ZNF248: variants seen among roughly 807,000 people sequenced by gnomAD.
ZNF248 encodes the protein KRAB protein domain.
ZNF248 carries 20 observed loss-of-function variants against 44.3 expected under a neutral mutation model. That is an observed-to-expected ratio of 0.45 (90% CI 0.32 to 0.66). The LOEUF is 0.66. Among genes scored for constraint, ZNF248 ranks in the 30% least tolerant of loss-of-function variants. The pLI is 0.04. For missense variants in ZNF248, 654 were observed against 677.0 expected (o/e 0.97, Z 0.38); for synonymous variants, 224 against 229.0 (o/e 0.98, Z 0.20).
chr10:37,823,472 C>G (rs926778154), intron 6 of ZNF248, among the ~76,000 whole-genome samples: 1 of 151,378 alleles, frequency 6.6e-6, no homozygotes, highest in African/African-American at 2.4e-5. Context: ...TTCTGTACTG[C>G]AGCTAGAACA....
Position 37,838,008 on chromosome 10 carries a change from T to C in ZNF248, c.119A>G (p.Asn40Ser). The change falls in exon 4 of 6, where the codon AAT becomes AGT. Residue 40 changes from asparagine (N) to serine (S), a missense_variant. Physicochemically the swap from Asn to Ser is conservative, Grantham distance 46. Coordinates refer to ENST00000395867, the MANE Select transcript of ZNF248 (RefSeq NM_021045.3). ...ACCTACTGAGACAAGATTGCTATAA[T>C]TTTCCAGGATCACATCTCTGTATAG... ...KILYRDVILE[N>S]YSNLVSVGYC... 6.2e-7 allele frequency: 1 copy of C among 1,613,654 alleles called. No homozygotes were observed. The highest frequency in any genetic ancestry group is 8.5e-7 in the Non-Finnish European group (1 of 1,179,696).
At chr10:37,847,301 T>TACA (rs1407372171) in intron 3 of ZNF248, among the ~76,000 whole-genome samples, 1 of 152,204 alleles carries the variant, frequency 6.6e-6, no homozygotes, top group Non-Finnish European at 1.5e-5. Flanking sequence ...GATTACTATA[T>TACA]ACACATACAT....
chr10:37,820,698 C>T, intron 6 of ZNF248: 3 of 1,364,478 alleles, frequency 2.2e-6, no homozygotes, highest in Admixed American at 3.4e-5. Flanking sequence ...GGAGTCTCTA[C>T]TTCTTTATCA....
At chr10:37,852,034 G>A (rs531863648) in intron 3 of ZNF248, among the ~76,000 whole-genome samples, 1 of 152,114 alleles carries the variant, frequency 6.6e-6, no homozygotes, top group East Asian at 1.9e-4. Flanking sequence ...GATCATCTGA[G>A]GTTGGGAGTT....
At chr10:37,800,218 G>A (rs529238653) in intron 6 of ZNF248, among the ~76,000 whole-genome samples, 1 of 152,228 alleles carries the variant, frequency 6.6e-6, no homozygotes, top group East Asian at 1.9e-4. Flanking sequence ...TGTCACCCAG[G>A]TAATAAGCAT....
At chr10:37,852,636 T>C (rs2060482145) in intron 3 of ZNF248, among the ~76,000 whole-genome samples, 1 of 150,754 alleles carries the variant, frequency 6.6e-6, no homozygotes, top group African/African-American at 2.4e-5. Context: ...CCTATCTCTC[T>C]CTATATATAG....
intron 1 of ZNF248, 46 bp from the exon 2 acceptor site, chr10:37,856,578 G>C: frequency 1.8e-6 from 2 of 1,137,040 alleles, no homozygotes; most frequent in Non-Finnish European, 2.2e-6. Context: ...AGTTTAACAA[G>C]TTAACAGTAA....
intron 3 of ZNF248, among the ~76,000 whole-genome samples, chr10:37,851,768 CAAAAAAAAAAAAAA>C (rs57501241): frequency 3.1e-5 from 1 of 32,062 alleles, no homozygotes; most frequent in African/African-American, 1.3e-4. Flanking sequence ...TCAGAATGAC[CAAAAAAAAAAAAAA>C]AAAAAAAAAA....
chr10:37,790,785 G>A (rs1564472008), intron 6 of ZNF248, among the ~76,000 whole-genome samples: 1 of 133,268 alleles, frequency 7.5e-6, no homozygotes, highest in Non-Finnish European at 1.8e-5. Flanking sequence ...CCAAGTGTGA[G>A]TGTGCACTCC....
At chr10:37,794,054 T>C (rs1388586409) in intron 6 of ZNF248, among the ~76,000 whole-genome samples, 1 of 152,186 alleles carries the variant, frequency 6.6e-6, no homozygotes, top group African/African-American at 2.4e-5. Context: ...GATTTGTTGA[T>C]TATGATTATT....
chr10:37,820,209 AG>A, intron 6 of ZNF248: 1 of 1,293,648 alleles, frequency 7.7e-7, no homozygotes, highest in Non-Finnish European at 1.1e-6. Flanking sequence ...TTATATTGTG[AG>A]GTCGGACTGG....
At chr10:37,819,946 A>T (rs749923494) in intron 6 of ZNF248, 5 of 769,928 alleles carry the variant, frequency 6.5e-6, no homozygotes, top group Non-Finnish European at 1.2e-5. Flanking sequence ...CCCATGTCGG[A>T]CAGTAGTAAA....
chr10:37,819,793 A>C, intron 6 of ZNF248: 2 of 782,542 alleles, frequency 2.6e-6, no homozygotes, highest in South Asian at 2.7e-5. Flanking sequence ...TGGTTGCAGG[A>C]GGGTCCTGAC....
At chr10:37,780,974 C>T (rs528791406) in intron 6 of ZNF248, among the ~76,000 whole-genome samples, 5 of 151,302 alleles carry the variant, frequency 3.3e-5, no homozygotes, top group South Asian at 4.1e-4. Flanking sequence ...GGGGACCGTG[C>T]GGGACACGTT....
chr10:37,808,295 T>C (rs2050911311), intron 6 of ZNF248, among the ~76,000 whole-genome samples: 1 of 148,500 alleles, frequency 6.7e-6, no homozygotes, highest in Non-Finnish European at 1.5e-5. Flanking sequence ...TTTTTTTTTC[T>C]GAGACAGAAT....
intron 4 of ZNF248, 97 bp downstream of exon 4, chr10:37,837,888 C>T (rs2057544972): frequency 2.0e-6 from 3 of 1,507,048 alleles, no homozygotes. Flanking sequence ...TCAGTCATCT[C>T]AGAGCCTTCA....
At position 37,832,331 on chromosome 10, in the gene ZNF248, G is replaced by A; in HGVS notation, c.1024C>T (p.His342Tyr). 9 of 1,614,056 alleles carry A rather than the reference G, an allele frequency of 5.6e-6. No homozygotes were observed. Among genetic ancestry groups the A allele is most frequent in the Non-Finnish European group, 7.6e-6 (9 of 1,179,966 alleles). Residue 342 changes from histidine (H) to tyrosine (Y), a missense_variant, in exon 6 of 6, where the codon CAT becomes TAT. His to Tyr is a moderately conservative substitution (Grantham distance 83, BLOSUM62 2). Transcript: ENST00000395867. ...KTWEKSALLK[H>Y]QIVHMGGKSY... ...TTTCCCCCCATGTGTACTATTTGAT[G>A]TTTTAAGAGAGCTGACTTTTCCCAG...
the ZNF248 span, among the ~76,000 whole-genome samples, chr10:37,767,855 A>G: frequency 6.6e-6 from 1 of 152,196 alleles, no homozygotes; most frequent in South Asian, 2.1e-4. Context: ...GTCAAGACCC[A>G]TCAGTGTGCT....
chr10:37,799,166 G>A (rs1319393671), intron 6 of ZNF248, among the ~76,000 whole-genome samples: 1 of 151,714 alleles, frequency 6.6e-6, no homozygotes, highest in Non-Finnish European at 1.5e-5. Flanking sequence ...AAACTGGAAT[G>A]AAAAATTAAC....
Sources: gnomAD v4.1 joint callset for allele counts (sites outside exome capture counted in the v4.1 genomes callset) on GRCh38, gnomAD v4.1.1 for gene constraint, MANE v1.5 for transcripts, NCBI Gene and HGNC (gene_info 2026-07-23, HGNC 2026-07-21) for gene names.